Variants in PCDHA1 observed in about 807,000 individuals in gnomAD.
PCDHA1 encodes the protein protocadherin alpha-1.
In PCDHA1, 42 loss-of-function variants were observed where a neutral mutation model predicts 61.3. The observed-to-expected ratio is 0.69, with a 90% CI of 0.54 to 0.89. The LOEUF is 0.89. PCDHA1 is among the 40% of genes least tolerant of loss of function. PCDHA1 has a pLI of 0.00. For missense variants in PCDHA1, 1,256 were observed against 1,235.3 expected, an observed-to-expected ratio of 1.02 and a Z score of -0.25; for synonymous variants, 610 against 553.8, an observed-to-expected ratio of 1.10 and a Z score of -1.43.
chr5:141,008,022 T>C (rs1355928123), intron 3 of PCDHA1, among the ~76,000 whole-genome samples: 3 of 152,226 alleles, frequency 2.0e-5, no homozygotes, highest in Non-Finnish European at 4.4e-5. Context: ...TCCTTTTTTT[T>C]CTTGTTAATC....
chr5:140,968,761 T>C (rs782432205), intron 1 of PCDHA1: 1 of 1,614,140 alleles, frequency 6.2e-7, no homozygotes, highest in South Asian at 1.1e-5. Flanking sequence ...TCCGAGATAA[T>C]GGAGAGCCAT....
At chr5:140,871,014 C>G (rs1554164974) in intron 1 of PCDHA1, 1 of 1,613,178 alleles carries the variant, frequency 6.2e-7, no homozygotes, top group East Asian at 2.2e-5. Context: ...GTGCCCTGGA[C>G]GAGGCAGACT....
At chr5:140,911,866 T>A (rs139180139) in intron 1 of PCDHA1, among the ~76,000 whole-genome samples, 31 of 152,320 alleles carry the variant, frequency 2.0e-4, no homozygotes, top group Non-Finnish European at 4.3e-4. Context: ...TCTGTTCTTC[T>A]GGAACCACTC....
intron 1 of PCDHA1, among the ~76,000 whole-genome samples, chr5:140,872,922 T>C (rs1468048382): frequency 6.6e-6 from 1 of 152,218 alleles, no homozygotes; most frequent in African/African-American, 2.4e-5. Flanking sequence ...ATGCCTTATC[T>C]CTAATGTTTT....
chr5:140,917,442 G>C (rs186885625), intron 1 of PCDHA1, among the ~76,000 whole-genome samples: 5 of 152,072 alleles, frequency 3.3e-5, no homozygotes, highest in Admixed American at 3.3e-4. Flanking sequence ...TGTTTTTGCT[G>C]CAAGAGCGTT....
At chr5:140,890,875 T>G (rs189226344) in intron 1 of PCDHA1, among the ~76,000 whole-genome samples, 106 of 152,318 alleles carry the variant, frequency 7.0e-4, no homozygotes, top group Non-Finnish European at 1.3e-3. Flanking sequence ...CCCTCTGACC[T>G]TTCATCAGGG....
chr5:140,813,508 CAT>C (rs1765319427), intron 1 of PCDHA1: 1 of 152,062 alleles, frequency 6.6e-6, no homozygotes. Context: ...ACAGTAAAAA[CAT>C]TGTACAGATT....
intron 1 of PCDHA1, chr5:140,969,240 C>T: frequency 6.2e-7 from 1 of 1,614,198 alleles, no homozygotes; most frequent in South Asian, 1.1e-5. Context: ...GCCCAAGCAG[C>T]AGTGACTGAC....
chr5:141,000,417 A>ATTT (rs1563652061), intron 3 of PCDHA1, among the ~76,000 whole-genome samples: 30 of 77,716 alleles, frequency 3.9e-4, no homozygotes, highest in South Asian at 4.7e-4. Flanking sequence ...ATATATATAT[A>ATTT]TATATTTTTT....
chr5:140,875,355 T>C (rs909094206), intron 1 of PCDHA1: 8 of 1,446,356 alleles, frequency 5.5e-6, no homozygotes, highest in Non-Finnish European at 7.3e-6. Flanking sequence ...ATGACTGTGA[T>C]GCTGGAAAAA....
At chr5:140,926,863 G>T (rs2083606655) in intron 1 of PCDHA1, 6 of 1,523,054 alleles carry the variant, frequency 3.9e-6, no homozygotes, top group Non-Finnish European at 5.3e-6. Flanking sequence ...GGTGTAGCGT[G>T]TTGGTGGAAC....
intron 1 of PCDHA1, chr5:140,859,407 TA>T (rs1351466050): frequency 4.1e-6 from 1 of 244,528 alleles, no homozygotes; most frequent in African/African-American, 2.3e-5. Context: ...AGGGTTGGGT[TA>T]GATGATATAG....
At chr5:140,838,624 A>G (rs181370925) in intron 1 of PCDHA1, among the ~76,000 whole-genome samples, 2 of 152,192 alleles carry the variant, frequency 1.3e-5, no homozygotes, top group Admixed American at 1.3e-4. Flanking sequence ...TTTTTTACAA[A>G]TAATTTGGTT....
At chr5:140,884,230 CG>C in intron 1 of PCDHA1, 2 of 1,613,384 alleles carry the variant, frequency 1.2e-6, no homozygotes, top group Non-Finnish European at 1.7e-6. Flanking sequence ...TGAAGGACCA[CG>C]GTGAGCCCGC....
At chr5:140,882,336 C>A (rs781805621) in intron 1 of PCDHA1, 31 of 1,614,044 alleles carry the variant, frequency 1.9e-5, no homozygotes, top group Non-Finnish European at 2.5e-5. Flanking sequence ...ATCCTCGCAG[C>A]CTGGGAGACG....
chr5:140,828,704 G>A (rs2150158084), intron 1 of PCDHA1: 1 of 1,614,238 alleles, frequency 6.2e-7, no homozygotes, highest in South Asian at 1.1e-5. Flanking sequence ...CAGAGAGGAA[G>A]CTCCTGCACA....
chr5:140,853,649 T>C (rs2042817758), intron 1 of PCDHA1: 2 of 988,760 alleles, frequency 2.0e-6, no homozygotes, highest in African/African-American at 1.8e-5. Flanking sequence ...AAATTGAGCC[T>C]GTTCCAGACA....
At chr5:140,975,017 G>A (rs1474947976) in intron 1 of PCDHA1, among the ~76,000 whole-genome samples, 1 of 152,154 alleles carries the variant, frequency 6.6e-6, no homozygotes, top group Non-Finnish European at 1.5e-5. Flanking sequence ...ACACAGCTGG[G>A]CTGTGTTGTC....
At chr5:140,959,886 G>A (rs1171381497) in intron 1 of PCDHA1, among the ~76,000 whole-genome samples, 1 of 152,194 alleles carries the variant, frequency 6.6e-6, no homozygotes, top group Non-Finnish European at 1.5e-5. Flanking sequence ...GAATACACGA[G>A]TGGGATTTAT....
Sources: gnomAD v4.1 joint callset for allele counts (sites outside exome capture counted in the v4.1 genomes callset) on GRCh38, gnomAD v4.1.1 for gene constraint, MANE v1.5 for transcripts, NCBI Gene and HGNC (gene_info 2026-07-23, HGNC 2026-07-21) for gene names.